PMF1: variants seen among roughly 807,000 people sequenced by gnomAD.
PMF1 encodes the protein polyamine-modulated factor 1.
A neutral mutation model predicts 26.7 loss-of-function variants in PMF1; 21 were observed. That is an observed-to-expected ratio of 0.79 (90% CI 0.56 to 1.13). PMF1 has a LOEUF of 1.13. Ranked by LOEUF, PMF1 falls within the 50% of genes most tolerant of loss-of-function variation. The pLI is 0.00. For missense variants in PMF1, 266 were observed against 254.9 expected, an observed-to-expected ratio of 1.04 and a Z score of -0.30; for synonymous variants, 105 against 101.0, an observed-to-expected ratio of 1.04 and a Z score of -0.24.
intron 4 of PMF1, among the ~76,000 whole-genome samples, chr1:156,238,123 T>TA (rs1659143163): frequency 1.3e-5 from 2 of 152,218 alleles, no homozygotes. Context: ...TGTATTCTGT[T>TA]ATACTATTGG....
chr1:156,238,724 C>A (rs1659179265), intron 4 of PMF1, among the ~76,000 whole-genome samples: 1 of 152,218 alleles, frequency 6.6e-6, no homozygotes, highest in Non-Finnish European at 1.5e-5. Context: ...AGCCTGAAGG[C>A]CCTGCTGCAG....
chr1:156,225,807 G>T, intron 1 of PMF1: 1 of 443,874 alleles, frequency 2.3e-6, no homozygotes, highest in East Asian at 3.4e-5. Flanking sequence ...ACCAGAGCCT[G>T]ATTCTGTGCT....
rs1659009268 is a variant in PMF1 at position 156,236,321 on chromosome 1, C to T, written c.402C>T (p.His134=). ...RPSGIPEKDL[H]SVMAPYFLQQ... The stretch of plus-strand genomic sequence containing the variant: ...GCGGGATCCCAGAGAAGGATCTGCA[C>T]AGTGTTATGGCACCCTACTTCCTGC... Residue 134 remains histidine, a synonymous_variant, in exon 4 of 5, where the codon CAC becomes CAT. Coordinates refer to ENST00000368277, the MANE Select transcript of PMF1 (RefSeq NM_007221.4). 1.2e-5 allele frequency: 19 copies of T among 1,614,148 alleles called. No homozygotes were observed. Among genetic ancestry groups the T allele is most frequent in the Non-Finnish European group, 1.5e-5 (18 of 1,180,000 alleles).
At chr1:156,227,394 CCTGGG>C (rs1227783256) in intron 1 of PMF1, among the ~76,000 whole-genome samples, 27 of 151,762 alleles carry the variant, frequency 1.8e-4, no homozygotes, top group African/African-American at 6.5e-4. Context: ...ATCCCAGCTA[CCTGGG>C]AGGCTGAGGC....
Position 156,239,683 on chromosome 1 carries a change from C to A in PMF1, c.*82C>A. The A allele has an allele frequency of 9.1e-7, 1 of 1,099,868 alleles. No homozygotes were observed. Among genetic ancestry groups the A allele is most frequent in the Non-Finnish European group, 1.4e-6 (1 of 720,094 alleles). 68.1% of individuals were successfully genotyped at this position (1,099,868 alleles called of 1,614,324 possible). A position where few individuals can be genotyped will look rare whatever the true frequency, so the allele number is the denominator to read the frequency against. ...CATGCCTGGCCTGGGCGGGCTACCT[C>A]TGAGAACGGCTGAAATGGTGCCCAG... On this transcript the variant is annotated 3_prime_UTR_variant, in exon 5 of 5. Coordinates refer to ENST00000368277, the MANE Select transcript of PMF1 (RefSeq NM_007221.4).
At chr1:156,225,642 G>A in intron 1 of PMF1, 1 of 1,561,546 alleles carries the variant, frequency 6.4e-7, no homozygotes, top group Non-Finnish European at 8.7e-7. Context: ...CAGTTGGGCG[G>A]CGTGCAGGTT....
At chr1:156,220,489 C>A (rs2247476) in intron 1 of PMF1, among the ~76,000 whole-genome samples, 33,316 of 151,968 alleles carry the variant, frequency 0.22, 4,224 homozygotes, top group Non-Finnish European at 0.29. Flanking sequence ...GCCGGGATTA[C>A]GGGTGTGAGC....
At chr1:156,224,864 A>G (rs2103097320) in intron 1 of PMF1, among the ~76,000 whole-genome samples, 1 of 151,818 alleles carries the variant, frequency 6.6e-6, no homozygotes, top group South Asian at 2.1e-4. Flanking sequence ...TGTACACAGG[A>G]CCAGAAAGTG....
chr1:156,238,786 G>A (rs144184804), intron 4 of PMF1, among the ~76,000 whole-genome samples: 150 of 152,242 alleles, frequency 9.9e-4, no homozygotes, highest in Non-Finnish European at 1.5e-3. Flanking sequence ...GCCGGCAGCC[G>A]CTCTGCTCCC....
In PMF1 at chr1:156,239,548, G is replaced by A. The variant is rs202060317; in HGVS notation, c.565G>A (p.Ala189Thr). The part of the protein sequence containing the change: ...QVQAQQQAWQ[A>T]LHREQRELVA... ...GTCTGTTGTCTCCCATTGATTTCAG[G>A]CTCTACACAGAGAACAGAGGGAGCT... is the stretch of plus-strand genomic sequence containing the variant. Residue 189 changes from alanine to threonine, a missense_variant and splice_region_variant, in exon 5 of 5, where the codon GCT becomes ACT. Physicochemically the swap from Ala to Thr is moderately conservative, Grantham distance 58 (BLOSUM62 0). Coordinates refer to ENST00000368277, the MANE Select transcript of PMF1 (RefSeq NM_007221.4). The A allele has an allele frequency of 1.6e-5, 25 of 1,612,894 alleles. No individual in the cohort carries two copies. The highest frequency in any genetic ancestry group is 1.9e-5 in the Non-Finnish European group (23 of 1,179,604).
intron 1 of PMF1, among the ~76,000 whole-genome samples, chr1:156,217,760 C>G (rs1657856893): frequency 6.6e-6 from 1 of 152,004 alleles, no homozygotes; most frequent in Admixed American, 6.6e-5. Flanking sequence ...TAACCATGCT[C>G]TAAAAGTGCA....
At chr1:156,220,512 C>T (rs988016393) in intron 1 of PMF1, among the ~76,000 whole-genome samples, 5 of 152,062 alleles carry the variant, frequency 3.3e-5, no homozygotes, top group Admixed American at 1.3e-4. Context: ...CTGCACCCAG[C>T]CTGTCTCCAG....
intron 4 of PMF1, among the ~76,000 whole-genome samples, chr1:156,238,192 T>C (rs963017216): frequency 6.6e-6 from 1 of 152,242 alleles, no homozygotes; most frequent in African/African-American, 2.4e-5. Context: ...CCTTGTACAA[T>C]TTGAAGTCAG....
chr1:156,231,755 C>T (rs1243914192), intron 1 of PMF1, among the ~76,000 whole-genome samples: 3 of 152,126 alleles, frequency 2.0e-5, no homozygotes, highest in Non-Finnish European at 4.4e-5. Context: ...TATATTACCT[C>T]ATGTAACAAG....
At chr1:156,216,861 G>A (rs930128100) in intron 1 of PMF1, among the ~76,000 whole-genome samples, 1 of 152,108 alleles carries the variant, frequency 6.6e-6, no homozygotes, top group Non-Finnish European at 1.5e-5. Context: ...CTCCCGGGGG[G>A]CTCTAATGTG....
intron 1 of PMF1, among the ~76,000 whole-genome samples, chr1:156,214,221 T>A (rs1657558083): frequency 6.6e-6 from 1 of 152,154 alleles, no homozygotes; most frequent in African/African-American, 2.4e-5. Flanking sequence ...GCCTTCACTT[T>A]TATATAATTT....
Position 156,239,877 on chromosome 1 carries a change from C to A in PMF1, c.*276C>A. On this transcript the variant is annotated 3_prime_UTR_variant, in exon 5 of 5. Coordinates refer to ENST00000368277, the MANE Select transcript of PMF1 (RefSeq NM_007221.4). The stretch of plus-strand genomic sequence containing the variant: ...TCTCTCTTCTCTAGGTTCAGGTCAG[C>A]TCTGCCCCTCCGCCCCCCTCCTGCT... 1 of 421,226 alleles carries A rather than the reference C, an allele frequency of 2.4e-6. No homozygotes were observed. Among genetic ancestry groups the A allele is most frequent in the Non-Finnish European group, 4.3e-6 (1 of 235,118 alleles). The allele number at this position is 421,226 out of a possible 1,614,324, so 26.1% of individuals were successfully genotyped here.
chr1:156,221,791 C>G (rs1432603452), intron 1 of PMF1, among the ~76,000 whole-genome samples: 1 of 152,182 alleles, frequency 6.6e-6, no homozygotes, highest in African/African-American at 2.4e-5. Context: ...GAAGGAATTA[C>G]CACTATCCAT....
At chr1:156,232,920 T>C (rs1351830810) in intron 2 of PMF1, among the ~76,000 whole-genome samples, 2 of 43,604 alleles carry the variant, frequency 4.6e-5, no homozygotes, top group Non-Finnish European at 8.3e-5. Flanking sequence ...TTTTTCTTCC[T>C]TTTTTTTTTT....
Sources: allele counts gnomAD v4.1 joint callset (sites outside exome capture counted in the v4.1 genomes callset), GRCh38; gene constraint gnomAD v4.1.1; transcripts MANE v1.5; gene names NCBI Gene and HGNC (gene_info 2026-07-23, HGNC 2026-07-21).